The following RAD51D variants were observed in gnomAD, a reference collection of about 807,000 sequenced individuals.
RAD51D encodes the protein RAD51 paralog D.
In RAD51D, 38 loss-of-function variants were observed where a neutral mutation model predicts 44.1. The observed-to-expected ratio is 0.86, with a 90% CI of 0.67 to 1.13. The LOEUF (loss-of-function observed/expected upper bound fraction) is 1.13, where lower values mean the gene tolerates loss of function less well. RAD51D is among the 50% of genes most tolerant of loss of function. RAD51D has a pLI of 0.00. For missense variants in RAD51D, 390 were observed against 414.0 expected (o/e 0.94, Z 0.50); for synonymous variants, 141 against 166.6 (o/e 0.85, Z 1.18).
Position 35,095,161 on chromosome 17 carries a change from AAGTTAGTTCTG to A in RAD51D, c.*5781_*5791del, listed in dbSNP as rs1181694958. 2 of 152,100 alleles carry A rather than the reference AAGTTAGTTCTG, an allele frequency of 1.3e-5. No individual in the cohort carries two copies. The highest frequency in any genetic ancestry group is 2.4e-5 in the African/African-American group (1 of 41,406). 9.4% of individuals were successfully genotyped at this position (152,100 alleles called of 1,614,324 possible). A position where few individuals can be genotyped will look rare whatever the true frequency, so the allele number is the denominator to read the frequency against. On this transcript the variant is annotated 3_prime_UTR_variant, in exon 10 of 10. Transcript: ENST00000345365. Reference sequence around the variant, plus strand: ...TTTGAGGTGAGTCAGCTTTGGTTGGAAGTTAGTTCTGAGTTAGTCCTTTGTTAAATTAAATT... The same window carrying A: ...TTTGAGGTGAGTCAGCTTTGGTTGGAAGTTAGTCCTTTGTTAAATTAAATT...
At chr17:35,102,120 A>G (rs2091546115) in intron 8 of RAD51D, among the ~76,000 whole-genome samples, 1 of 152,178 alleles carries the variant, frequency 6.6e-6, no homozygotes, top group Admixed American at 6.6e-5. Flanking sequence ...TTACATTTCT[A>G]AAAAATCTAT....
chr17:35,117,698 C>A (rs12600743), intron 3 of RAD51D, among the ~76,000 whole-genome samples: 1 of 152,002 alleles, frequency 6.6e-6, no homozygotes. Flanking sequence ...TCATTTTGGG[C>A]GGGCAAGCAG....
chr17:35,097,799 A>G lies in RAD51D; in HGVS notation c.*3154T>C, dbSNP rs2091497885. ...GAACAGAAAGTACAAGTGAATAACTAATACAGGGAAGTTACTGTAAGCATC... is the reference window on the plus strand; with the variant it reads ...GAACAGAAAGTACAAGTGAATAACTGATACAGGGAAGTTACTGTAAGCATC... On this transcript the variant is annotated 3_prime_UTR_variant, in exon 10 of 10. Transcript: ENST00000345365. The G allele has an allele frequency of 1.3e-5, 2 of 152,256 alleles. No individual in the cohort carries two copies. Among genetic ancestry groups the G allele is most frequent in the Admixed American group, 6.5e-5 (1 of 15,286 alleles). The allele number at this position is 152,256 out of a possible 1,614,324, so 9.4% of individuals were successfully genotyped here.
rs758583343 is a variant in RAD51D at position 35,107,125 on chromosome 17, G to A, written c.346-3C>T. 6.2e-7 allele frequency: 1 copy of A among 1,613,948 alleles called. No homozygotes were observed. The highest frequency in any genetic ancestry group is 1.1e-5 in the South Asian group (1 of 91,074). On this transcript the variant is annotated splice_region_variant and splice_polypyrimidine_tract_variant and intron_variant, in intron 4 of 9. Coordinates refer to ENST00000345365, the MANE Select transcript of RAD51D (RefSeq NM_002878.4). ...TTTGCTGCCATACAGAGACATACCT[G>A]GGGGTGGGGGCATTGGATGAACTTG...
In RAD51D at chr17:35,100,527, A is replaced by G. The variant is rs891042447; in HGVS notation, c.*426T>C. ...CTAACAAATGGAAAGGCAGAGACAA[A>G]AGAAAAAAAAGGCAGCAGCAGCAAA... On this transcript the variant is annotated 3_prime_UTR_variant, in exon 10 of 10. Transcript: ENST00000345365. The G allele has an allele frequency of 3.7e-6, 2 of 538,734 alleles. No individual in the cohort carries two copies. The highest frequency in any genetic ancestry group is 3.7e-5 in the African/African-American group (2 of 53,990). 33.4% of individuals were successfully genotyped at this position (538,734 alleles called of 1,614,324 possible). A position where few individuals can be genotyped will look rare whatever the true frequency, so the allele number is the denominator to read the frequency against.
Position 35,119,557 on chromosome 17 carries a change from A to T in RAD51D, c.57T>A (p.Leu19=), listed in dbSNP as rs2142480362. 1 of 1,612,638 alleles carries T rather than the reference A, an allele frequency of 6.2e-7. No homozygotes were observed. Among genetic ancestry groups the T allele is most frequent in the South Asian group, 1.1e-5 (1 of 91,076 alleles). Residue 19 remains leucine (L), a synonymous_variant, in exon 1 of 10, where the codon CTT becomes CTA. Transcript: ENST00000345365. ...CTGTCTTGATCCTGTGGCTCCTGAG[A>T]AGCTGGATCATCTCCTCGGTAAGGC... ...CPGLTEEMIQ[L]LRSHRIKTVV... is the part of the protein sequence containing the mutation.
rs151198586 is a variant in RAD51D, at chr17:35,118,600, C to T, written c.164G>A (p.Arg55Gln). 15 of 1,614,096 alleles carry T rather than the reference C, an allele frequency of 9.3e-6. No homozygotes were observed. The highest frequency in any genetic ancestry group is 4.5e-5 in the East Asian group (2 of 44,898). The stretch of plus-strand genomic sequence containing the variant: ...AGCCGAGAACTGAGCCAGCAGCACC[C>T]GCCTCAGGGCAACCAGGGCCTGCCA... The part of the protein sequence containing the change: ...LSYKALVALR[R>Q]VLLAQFSAFP... Residue 55 changes from arginine (R) to glutamine (Q), a missense_variant, in exon 3 of 10, where the codon CGG becomes CAG. By Grantham distance (43) the Arg-to-Gln change is conservative. Transcript: ENST00000345365.
intron 3 of RAD51D, among the ~76,000 whole-genome samples, chr17:35,117,885 T>C (rs1415668839): frequency 3.3e-5 from 5 of 152,214 alleles, no homozygotes; most frequent in African/African-American, 9.7e-5. Context: ...CTCCCGCGCT[T>C]GAGCCTCACC....
chr17:35,101,394 T>C (rs2142412832), intron 8 of RAD51D, 29 bp from the exon 9 acceptor site: 1 of 1,607,782 alleles, frequency 6.2e-7, no homozygotes, highest in Non-Finnish European at 8.5e-7. Flanking sequence ...TACAGATCCA[T>C]AATGCTAGTA....
chr17:35,103,554 T>G lies in RAD51D; in HGVS notation c.577-10A>C, dbSNP rs1060504767. 1 of 1,609,954 alleles carries G rather than the reference T, an allele frequency of 6.2e-7. No individual in the cohort carries two copies. Among genetic ancestry groups the G allele is most frequent in the South Asian group, 1.1e-5 (1 of 90,996 alleles). On this transcript the variant is annotated splice_polypyrimidine_tract_variant and intron_variant, in intron 6 of 9. Transcript: ENST00000345365. The surrounding 1 kb of genome is among the most constrained non-coding windows in gnomAD (Gnocchi z 4.1). ...CTGAAGAACCAGTCACCTGAAGGAATGTGGGGGAAGCACTCATGAACCTGT... is the reference window on the plus strand; with the variant it reads ...CTGAAGAACCAGTCACCTGAAGGAAGGTGGGGGAAGCACTCATGAACCTGT...
rs138969595 is a variant in RAD51D, at chr17:35,100,957, G to A, written c.983C>T (p.Thr328Ile). The A allele has an allele frequency of 6.0e-5, 96 of 1,611,324 alleles. 1 individual carries two copies. The African/African-American group carries it at 1.1e-3, about 18-fold the overall frequency. The change falls in exon 10 of 10, where the codon ACA becomes ATA. Residue 328 changes from threonine (T) to isoleucine (I), a missense_variant. Thr to Ile is a moderately conservative substitution (Grantham distance 89, BLOSUM62 -1). Coordinates refer to ENST00000345365, the MANE Select transcript of RAD51D (RefSeq NM_002878.4). ...TTTCCCAAACAACAGCACAGGTCAT[G>A]TCTGATCACCCTGTAATGTGGCACT... ...EQSATLQGDQ[T>I]
chr17:35,113,032 C>T (rs1442237343), intron 3 of RAD51D, among the ~76,000 whole-genome samples: 1 of 152,158 alleles, frequency 6.6e-6, no homozygotes, highest in Non-Finnish European at 1.5e-5. Flanking sequence ...CATGCCAATT[C>T]CTAAACCAGG....
rs2091512592 is a variant in RAD51D at position 35,099,714 on chromosome 17, A to G, written c.*1239T>C. 2.5e-6 allele frequency: 1 copy of G among 394,518 alleles called. No individual in the cohort carries two copies. Among genetic ancestry groups the G allele is most frequent in the African/African-American group, 2.1e-5 (1 of 47,982 alleles). 24.4% of individuals were successfully genotyped at this position (394,518 alleles called of 1,614,324 possible). A position where few individuals can be genotyped will look rare whatever the true frequency, so the allele number is the denominator to read the frequency against. On this transcript the variant is annotated 3_prime_UTR_variant, in exon 10 of 10. Transcript: ENST00000345365. Reference sequence around the variant, plus strand: ...CTTTCCTGCAGCCAAGACATAACTGATTAATTACACAACAGGCTCTCTAAC... The same window carrying G: ...CTTTCCTGCAGCCAAGACATAACTGGTTAATTACACAACAGGCTCTCTAAC...
intron 3 of RAD51D, among the ~76,000 whole-genome samples, chr17:35,108,229 G>A (rs1385195562): frequency 6.6e-6 from 1 of 151,576 alleles, no homozygotes; most frequent in Non-Finnish European, 1.5e-5. Context: ...TGGTGACAGA[G>A]CAAGACTCTG....
Position 35,107,454 on chromosome 17 carries a change from G to C in RAD51D, c.264-7C>G, listed in dbSNP as rs753529790. The C allele has an allele frequency of 6.5e-7, 1 of 1,531,832 alleles. No individual in the cohort carries two copies. The highest frequency in any genetic ancestry group is 9.0e-7 in the Non-Finnish European group (1 of 1,105,200). The allele number at this position is 1,531,832 out of a possible 1,614,324, so 94.9% of individuals were successfully genotyped here. A position where few individuals can be genotyped will look rare whatever the true frequency, so the allele number is the denominator to read the frequency against. ...ATCAAGCAGTTTATCAAGACTGATG[G>C]CAGAAGAGAAGAAAATCAACACAAG... On this transcript the variant is annotated splice_polypyrimidine_tract_variant and splice_region_variant and intron_variant, in intron 3 of 9. Transcript: ENST00000345365.
chr17:35,119,355 C>T, intron 1 of RAD51D, 177 bp downstream of exon 1: 1 of 912,092 alleles, frequency 1.1e-6, no homozygotes, highest in Middle Eastern at 3.0e-4. Flanking sequence ...GAATCTCTAC[C>T]CTGTTTTAGA....
At position 35,112,885 on chromosome 17, in the gene RAD51D, C is replaced by G. The variant is rs568873041; in HGVS notation, c.264-5438G>C. ...GGTCCGATCCCTGTCGCATCCCCAGCACTAGCACAGTGCCTGAAACACAGG... is the reference window on the plus strand; with the variant it reads ...GGTCCGATCCCTGTCGCATCCCCAGGACTAGCACAGTGCCTGAAACACAGG... On this transcript the variant is annotated intron_variant, in intron 3 of 9. Coordinates refer to ENST00000345365, the MANE Select transcript of RAD51D (RefSeq NM_002878.4). Among the ~76,000 whole-genome samples, 10 of 152,332 alleles carry G rather than the reference C, an allele frequency of 6.6e-5. No homozygotes were observed. In the East Asian group the frequency reaches 1.7e-3, roughly 26 times the overall value.
rs1198510089 is a variant in RAD51D at position 35,103,081 on chromosome 17, C to T, written c.738+173G>A. ...ACAAAACAACAAAAAAACAACAAGACGATTCCTGATTCCCTTAGCTATTTA... is the reference window on the plus strand; with the variant it reads ...ACAAAACAACAAAAAAACAACAAGATGATTCCTGATTCCCTTAGCTATTTA... On this transcript the variant is annotated intron_variant, in intron 8 of 9. Coordinates refer to ENST00000345365, the MANE Select transcript of RAD51D (RefSeq NM_002878.4). This position sits in a 1 kb window ranked among gnomAD's most constrained non-coding sequence, Gnocchi z 4.1. Among the ~76,000 whole-genome samples the T allele has an allele frequency of 2.0e-5, 3 of 152,194 alleles. No homozygotes were observed. The highest frequency in any genetic ancestry group is 2.1e-4 in the South Asian group (1 of 4,836).
chr17:35,107,568 C>G (rs945663761), intron 3 of RAD51D, 121 bp from the exon 4 acceptor site: 14 of 818,482 alleles, frequency 1.7e-5, no homozygotes, highest in Admixed American at 1.0e-4. Flanking sequence ...ACATCACTGG[C>G]CAGGAGGCTT....
Sources: allele counts gnomAD v4.1 joint callset (sites outside exome capture counted in the v4.1 genomes callset), GRCh38; gene constraint gnomAD v4.1.1; non-coding constraint Gnocchi (gnomAD v3.1); transcripts MANE v1.5; gene names NCBI Gene and HGNC (gene_info 2026-07-23, HGNC 2026-07-21).